The following SUPT3H variants were observed in gnomAD, a reference collection of about 807,000 sequenced individuals.
The protein encoded by SUPT3H is transcription initiation protein SPT3 homolog.
Under a neutral mutation model 44.3 loss-of-function variants are expected in SUPT3H, and 44 were observed. The observed-to-expected ratio is 0.99, with a 90% CI of 0.78 to 1.28. The LOEUF (loss-of-function observed/expected upper bound fraction) is 1.28, where lower values mean the gene tolerates loss of function less well. Ranked by LOEUF, SUPT3H falls within the 50% of genes most tolerant of loss-of-function variation. The pLI, the probability that SUPT3H is intolerant of heterozygous loss-of-function variation, is 0.00. For missense variants in SUPT3H, 380 were observed against 387.1 expected, an observed-to-expected ratio of 0.98 and a Z score of 0.15; for synonymous variants, 124 against 125.6, an observed-to-expected ratio of 0.99 and a Z score of 0.09.
chr6:44,956,760 C>G (rs1775283442), intron 7 of SUPT3H, among the ~76,000 whole-genome samples: 1 of 152,152 alleles, frequency 6.6e-6, no homozygotes, highest in Admixed American at 6.5e-5. Flanking sequence ...ATGGAATGCT[C>G]TGCCATCACT....
At chr6:45,273,545 T>C (rs1776543313) in intron 2 of SUPT3H, among the ~76,000 whole-genome samples, 1 of 152,124 alleles carries the variant, frequency 6.6e-6, no homozygotes, top group African/African-American at 2.4e-5. Context: ...TTAGTAAGAG[T>C]TTATTTTGTT....
intron 2 of SUPT3H, among the ~76,000 whole-genome samples, chr6:45,189,683 C>A (rs1286222305): frequency 6.6e-6 from 1 of 151,914 alleles, no homozygotes; most frequent in African/African-American, 2.4e-5. Context: ...GAAGTCCTCA[C>A]CACCAAAGAA....
intron 2 of SUPT3H, among the ~76,000 whole-genome samples, chr6:45,109,503 T>C (rs988188009): frequency 7.2e-6 from 1 of 138,624 alleles, no homozygotes; most frequent in African/African-American, 2.8e-5. Flanking sequence ...TAGATCTTTG[T>C]ACTAAAAACA....
chr6:45,184,809 A>C (rs950953359), intron 2 of SUPT3H, among the ~76,000 whole-genome samples: 2 of 148,822 alleles, frequency 1.3e-5, no homozygotes, highest in Admixed American at 6.7e-5. Context: ...AAAAACTCCA[A>C]GGAAAGCCTG....
intron 3 of SUPT3H, among the ~76,000 whole-genome samples, chr6:45,042,448 C>A (rs115951175): frequency 1.4e-3 from 214 of 152,212 alleles, no homozygotes; most frequent in African/African-American, 5.0e-3. Flanking sequence ...TCAGTCTAAT[C>A]CCTCCTTATA....
At chr6:45,163,396 C>T (rs1809353416) in intron 2 of SUPT3H, among the ~76,000 whole-genome samples, 1 of 152,046 alleles carries the variant, frequency 6.6e-6, no homozygotes, top group Non-Finnish European at 1.5e-5. Context: ...AATCTTCTAT[C>T]TAATATAGTA....
chr6:45,100,295 G>C lies in SUPT3H; in HGVS notation c.186+5627C>G, dbSNP rs149212199. On this transcript the variant is annotated intron_variant, in intron 3 of 10. Transcript: ENST00000371459. ...AAAATCAAGAGTTAAGAGACAACCT[G>C]CAAGATGGGAGAAAATGCTTGAATT... Among the ~76,000 whole-genome samples the C allele has an allele frequency of 1.1e-4, 16 of 152,062 alleles. No individual in the cohort carries two copies. The East Asian group carries it at 2.5e-3, about 24-fold the overall frequency.
At chr6:45,105,250 T>G (rs1799110615) in intron 3 of SUPT3H, among the ~76,000 whole-genome samples, 1 of 152,004 alleles carries the variant, frequency 6.6e-6, no homozygotes, top group South Asian at 2.1e-4. Flanking sequence ...ATAACAGGAA[T>G]AAACAACAAC....
chr6:45,195,868 A>T (rs960297578), intron 2 of SUPT3H, among the ~76,000 whole-genome samples: 2 of 152,128 alleles, frequency 1.3e-5, no homozygotes, highest in African/African-American at 4.8e-5. Context: ...TGAGGTCGGT[A>T]GTTACAAACT....
At chr6:44,886,199 T>C (rs1381130308) in intron 10 of SUPT3H, among the ~76,000 whole-genome samples, 1 of 152,128 alleles carries the variant, frequency 6.6e-6, no homozygotes, top group African/African-American at 2.4e-5. Context: ...CTCTGCAGGA[T>C]ATTATCCAGG....
intron 6 of SUPT3H, among the ~76,000 whole-genome samples, chr6:44,981,114 C>T (rs893088802): frequency 3.3e-5 from 5 of 152,182 alleles, no homozygotes; most frequent in Non-Finnish European, 7.3e-5. Flanking sequence ...TACTCTAACT[C>T]TTTACTGGAA....
chr6:44,908,437 C>A (rs1242914301), intron 10 of SUPT3H, among the ~76,000 whole-genome samples: 3 of 152,084 alleles, frequency 2.0e-5, no homozygotes, highest in Admixed American at 6.6e-5. Context: ...AGGCATAAGC[C>A]ACCGTGTCTG....
chr6:44,884,954 G>C (rs1778899645), intron 10 of SUPT3H, among the ~76,000 whole-genome samples: 1 of 152,186 alleles, frequency 6.6e-6, no homozygotes, highest in Non-Finnish European at 1.5e-5. Flanking sequence ...CGGCGCACCA[G>C]GAGATTATAT....
At chr6:45,181,111 A>G (rs1813084258) in intron 2 of SUPT3H, among the ~76,000 whole-genome samples, 1 of 150,582 alleles carries the variant, frequency 6.6e-6, no homozygotes, top group Non-Finnish European at 1.5e-5. Context: ...AAACACATGA[A>G]AAAATGCTCA....
intron 7 of SUPT3H, 79 bp from the exon 8 acceptor site, chr6:44,954,686 A>T (rs1774850574): frequency 1.1e-5 from 9 of 784,408 alleles, no homozygotes; most frequent in South Asian, 4.7e-5. Context: ...TCACAAAATT[A>T]AAAAAGTATA....
intron 2 of SUPT3H, among the ~76,000 whole-genome samples, chr6:45,121,544 A>G (rs1279829667): frequency 6.6e-6 from 1 of 151,342 alleles, no homozygotes; most frequent in Non-Finnish European, 1.5e-5. Flanking sequence ...TTATCTAAGT[A>G]TATCTTTCAC....
chr6:44,992,460 T>C (rs1260758111), intron 6 of SUPT3H, among the ~76,000 whole-genome samples: 1 of 152,156 alleles, frequency 6.6e-6, no homozygotes, highest in Non-Finnish European at 1.5e-5. Flanking sequence ...TTACTTCCCT[T>C]GATGTAGGAA....
intron 2 of SUPT3H, among the ~76,000 whole-genome samples, chr6:45,329,558 T>C (rs555442948): frequency 1.3e-5 from 2 of 152,054 alleles, no homozygotes; most frequent in East Asian, 3.9e-4. Flanking sequence ...ATAAACACAC[T>C]GAAACACTGA....
At chr6:45,259,494 A>C (rs1773984120) in intron 2 of SUPT3H, among the ~76,000 whole-genome samples, 1 of 151,948 alleles carries the variant, frequency 6.6e-6, no homozygotes, top group African/African-American at 2.4e-5. Context: ...TCACTATAAA[A>C]CCCTGTAATT....
Sources: gnomAD v4.1 joint callset for allele counts (sites outside exome capture counted in the v4.1 genomes callset) on GRCh38, gnomAD v4.1.1 for gene constraint, MANE v1.5 for transcripts, NCBI Gene and HGNC (gene_info 2026-07-23, HGNC 2026-07-21) for gene names.